NXPH1: variants seen among roughly 807,000 people sequenced by gnomAD.
The protein encoded by NXPH1 is neurexophilin 1.
Under a neutral mutation model 23.7 loss-of-function variants are expected in NXPH1, and 5 were observed. The observed-to-expected ratio is 0.21, with a 90% CI of 0.11 to 0.44. The LOEUF is 0.44. Ranked by LOEUF, NXPH1 falls within the 20% of genes least tolerant of loss-of-function variation. NXPH1 has a pLI of 0.99. For missense variants in NXPH1, 324 were observed against 321.6 expected (o/e 1.01, Z -0.06); for synonymous variants, 144 against 122.2 (o/e 1.18, Z -1.18).
At chr7:8,708,522 G>T (rs539169454) in intron 2 of NXPH1, among the ~76,000 whole-genome samples, 1 of 151,960 alleles carries the variant, frequency 6.6e-6, no homozygotes, top group African/African-American at 2.4e-5. Flanking sequence ...CACCATGCCT[G>T]GCTAATTTTT....
In NXPH1 at chr7:8,695,370, A is replaced by G. The variant is rs551321009; in HGVS notation, c.55-55638A>G. On this transcript the variant is annotated intron_variant, in intron 2 of 2. Transcript: ENST00000405863. ...ATTGATGGAGCCAGTTTTCAATGCT[A>G]GAACTTGCTCTTTTACCATGTTACA... 1.7e-3 allele frequency among the ~76,000 whole-genome samples: 258 copies of G among 152,334 alleles called. 1 individual carries two copies. Among genetic ancestry groups the G allele is most frequent in the Middle Eastern group, 3.4e-3 (1 of 294 alleles).
rs116162678 is a variant in NXPH1 at position 8,581,867 on chromosome 7, G to A, written c.54+146100G>A. ...AGTAATAGTGTCATGGGCTCCTTGG[G>A]GTGTTGCTTTGCTAGCCAGAAACCT... On this transcript the variant is annotated intron_variant, in intron 2 of 2. Coordinates refer to ENST00000405863, the MANE Select transcript of NXPH1 (RefSeq NM_152745.3). Among the ~76,000 whole-genome samples the A allele has an allele frequency of 3.1e-3, 477 of 152,218 alleles. 3 individuals are homozygous for A. The highest frequency in any genetic ancestry group is 0.011 in the African/African-American group (451 of 41,522).
intron 2 of NXPH1, among the ~76,000 whole-genome samples, chr7:8,591,691 A>G (rs1339389852): frequency 6.6e-6 from 1 of 152,012 alleles, no homozygotes; most frequent in Non-Finnish European, 1.5e-5. Context: ...TAACATATAG[A>G]AGTTTTATTT....
At chr7:8,657,983 G>A (rs528062345) in intron 2 of NXPH1, among the ~76,000 whole-genome samples, 9 of 152,272 alleles carry the variant, frequency 5.9e-5, no homozygotes, top group South Asian at 2.1e-4. Flanking sequence ...AGCCGAGATC[G>A]TGCCACTGCA....
intron 2 of NXPH1, among the ~76,000 whole-genome samples, chr7:8,688,890 T>C (rs886296987): frequency 2.6e-5 from 4 of 152,308 alleles, no homozygotes; most frequent in African/African-American, 9.6e-5. Context: ...CTTCTAAAGG[T>C]GCTCTTGGAT....
chr7:8,498,943 C>T (rs1020831511), intron 2 of NXPH1, among the ~76,000 whole-genome samples: 1 of 152,100 alleles, frequency 6.6e-6, no homozygotes, highest in East Asian at 1.9e-4. Context: ...AAATAAATGT[C>T]ATATATTTTA....
rs200623023 is a variant in NXPH1, at chr7:8,659,006, T to TATA, written c.55-92002_55-92001insATA. Among the ~76,000 whole-genome samples the TATA allele has an allele frequency of 1.2e-3, 75 of 63,080 alleles. 14 individuals are homozygous for TATA. Among genetic ancestry groups the TATA allele is most frequent in the African/African-American group, 4.1e-3 (74 of 17,952 alleles). The allele number at this position is 63,080 out of a possible 152,430, so 41.4% of individuals were successfully genotyped here. On this transcript the variant is annotated intron_variant, in intron 2 of 2. Coordinates refer to ENST00000405863, the MANE Select transcript of NXPH1 (RefSeq NM_152745.3). Reference sequence around the variant, plus strand: ...AAGAATATGTATATATATATATATATTTTTTTTTTTTTTTGCTAAAACAGA... The same window carrying TATA: ...AAGAATATGTATATATATATATATATATATTTTTTTTTTTTTTGCTAAAACAGA...
At chr7:8,439,079 A>C (rs1050507214) in intron 2 of NXPH1, among the ~76,000 whole-genome samples, 17 of 152,168 alleles carry the variant, frequency 1.1e-4, no homozygotes, top group African/African-American at 4.1e-4. Context: ...AAAAGCCTGA[A>C]TTCAATAGGA....
At chr7:8,681,078 C>T (rs985741912) in intron 2 of NXPH1, among the ~76,000 whole-genome samples, 7 of 152,220 alleles carry the variant, frequency 4.6e-5, no homozygotes, top group African/African-American at 1.2e-4. Context: ...GTACAGTGCT[C>T]CTCTCCTAGA....
intron 2 of NXPH1, among the ~76,000 whole-genome samples, chr7:8,666,991 C>G (rs1029604836): frequency 2.0e-5 from 3 of 151,978 alleles, no homozygotes; most frequent in African/African-American, 7.2e-5. Context: ...TGCTCTGTAA[C>G]TAACATGAGG....
At chr7:8,497,360 C>A (rs1817355119) in intron 2 of NXPH1, among the ~76,000 whole-genome samples, 1 of 152,128 alleles carries the variant, frequency 6.6e-6, no homozygotes. Flanking sequence ...GATTTATAAT[C>A]CTTTGGGTAT....
chr7:8,700,544 T>G (rs749412833), intron 2 of NXPH1, among the ~76,000 whole-genome samples: 1 of 152,164 alleles, frequency 6.6e-6, no homozygotes, highest in East Asian at 1.9e-4. Context: ...TTTGATAATA[T>G]AAAAACCTTA....
intron 2 of NXPH1, among the ~76,000 whole-genome samples, chr7:8,664,651 T>C (rs931326518): frequency 6.6e-6 from 1 of 152,074 alleles, no homozygotes; most frequent in South Asian, 2.1e-4. Context: ...CCACGAACAG[T>C]ATTCCAGAGT....
chr7:8,637,185 C>G (rs527451707), intron 2 of NXPH1, among the ~76,000 whole-genome samples: 3 of 151,698 alleles, frequency 2.0e-5, no homozygotes, highest in Non-Finnish European at 2.9e-5. Context: ...ATGTCCCTTA[C>G]ACTTCATATT....
chr7:8,441,393 T>C (rs1178620331), intron 2 of NXPH1, among the ~76,000 whole-genome samples: 2 of 152,014 alleles, frequency 1.3e-5, no homozygotes, highest in African/African-American at 4.8e-5. Flanking sequence ...CGGAGCTTGG[T>C]AAACACAGCG....
At chr7:8,496,378 T>C (rs758485691) in intron 2 of NXPH1, among the ~76,000 whole-genome samples, 1 of 152,052 alleles carries the variant, frequency 6.6e-6, no homozygotes, top group Non-Finnish European at 1.5e-5. Context: ...AATTTTAACA[T>C]TAAATAAAAT....
At chr7:8,637,395 A>C (rs993306179) in intron 2 of NXPH1, among the ~76,000 whole-genome samples, 14 of 151,922 alleles carry the variant, frequency 9.2e-5, no homozygotes, top group Admixed American at 3.3e-4. Flanking sequence ...GCTAATTTAA[A>C]AAAGTATTTT....
At chr7:8,697,494 C>G (rs1305404744) in intron 2 of NXPH1, among the ~76,000 whole-genome samples, 2 of 152,130 alleles carry the variant, frequency 1.3e-5, no homozygotes, top group East Asian at 3.9e-4. Context: ...AGAAGACTCA[C>G]TCATTGTTTA....
chr7:8,723,063 A>G (rs1187052897), intron 2 of NXPH1, among the ~76,000 whole-genome samples: 1 of 152,196 alleles, frequency 6.6e-6, no homozygotes, highest in Non-Finnish European at 1.5e-5. Context: ...GTTAATGAAC[A>G]CTTTTACAGC....
Sources: gnomAD v4.1 joint callset for allele counts (sites outside exome capture counted in the v4.1 genomes callset) on GRCh38, gnomAD v4.1.1 for gene constraint, MANE v1.5 for transcripts, NCBI Gene and HGNC (gene_info 2026-07-23, HGNC 2026-07-21) for gene names.